DCAF17: variants seen among roughly 807,000 people sequenced by gnomAD.
The protein encoded by DCAF17 is DDB1 and CUL4 associated factor 17.
In DCAF17, 48 loss-of-function variants were observed where a neutral mutation model predicts 66.0. The observed-to-expected ratio is 0.73, with a 90% CI of 0.58 to 0.92. The LOEUF is 0.92. Among genes scored for constraint, DCAF17 ranks in the 40% least tolerant of loss-of-function variants. DCAF17 has a pLI of 0.00. For missense variants in DCAF17, 562 were observed against 622.8 expected, an observed-to-expected ratio of 0.90 and a Z score of 1.04; for synonymous variants, 206 against 214.6, an observed-to-expected ratio of 0.96 and a Z score of 0.35.
intron 8 of DCAF17, 124 bp downstream of exon 8, chr2:171,458,601 A>G: frequency 4.0e-6 from 3 of 751,976 alleles, no homozygotes; most frequent in Non-Finnish European, 6.6e-6. Context: ...TTTTACTCCT[A>G]TACATCATGT....
chr2:171,453,194 T>G lies in DCAF17; in HGVS notation c.608T>G (p.Ile203Ser), dbSNP rs757257068. ...GTTCTACCTTTTTCACTTGTAGGGA[T>G]TCTAGAGATCAACAAAAAGGTAAGA... is the stretch of plus-strand genomic sequence containing the variant. Reference protein sequence around the residue: ...FRVLPFSLVGILEINKKIFGN... With the variant: ...FRVLPFSLVGSLEINKKIFGN... Residue 203 changes from isoleucine (I) to serine (S), a missense_variant, in exon 6 of 14, where the codon ATT (isoleucine) becomes AGT (serine). Ile to Ser is a moderately radical substitution (Grantham distance 142). Transcript: ENST00000375255. 1.2e-6 allele frequency: 2 copies of G among 1,612,444 alleles called. No homozygotes were observed. The highest frequency in any genetic ancestry group is 1.7e-6 in the Non-Finnish European group (2 of 1,179,034).
At chr2:171,436,357 T>A (rs1693948630) in intron 2 of DCAF17, among the ~76,000 whole-genome samples, 1 of 152,216 alleles carries the variant, frequency 6.6e-6, no homozygotes, top group East Asian at 1.9e-4. Context: ...TGGTAGGTCA[T>A]AAGATTATAC....
In DCAF17 at chr2:171,458,396, G is replaced by C; in HGVS notation, c.757G>C (p.Gly253Arg). The C allele has an allele frequency of 6.2e-7, 1 of 1,613,996 alleles. No homozygotes were observed. Among genetic ancestry groups the C allele is most frequent in the Non-Finnish European group, 8.5e-7 (1 of 1,179,958 alleles). ...GTTCATGCAACAGAAACTTGACTTA[G>C]GGTGTGCATGCAGATGGGGTGGGAC... ...EQFMQQKLDL[G>R]CACRWGGTTG... Residue 253 changes from glycine to arginine, a missense_variant, in exon 8 of 14, where the codon GGG becomes CGG. Physicochemically the swap from Gly to Arg is moderately radical, Grantham distance 125. Around this residue, in one of 3 missense-constraint regions of DCAF17, gnomAD observed 348 missense variants for 355.9 expected, o/e 0.98. Coordinates refer to ENST00000375255, the MANE Select transcript of DCAF17 (RefSeq NM_025000.4).
Position 171,484,141 on chromosome 2 carries a change from G to A in DCAF17, c.*3027G>A, listed in dbSNP as rs1354873223. 1 of 450,212 alleles carries A rather than the reference G, an allele frequency of 2.2e-6. No individual in the cohort carries two copies. The highest frequency in any genetic ancestry group is 4.4e-6 in the Non-Finnish European group (1 of 225,928). 27.9% of individuals were successfully genotyped at this position (450,212 alleles called of 1,614,324 possible). A position where few individuals can be genotyped will look rare whatever the true frequency, so the allele number is the denominator to read the frequency against. ...TTCCCTTTGTTTGTGGTGATAATCA[G>A]TATTAGTAGTTTTCATATTATTTGG... On this transcript the variant is annotated 3_prime_UTR_variant, in exon 14 of 14. Transcript: ENST00000375255.
At chr2:171,460,422 T>C (rs762364516) in intron 8 of DCAF17, among the ~76,000 whole-genome samples, 106 of 151,938 alleles carry the variant, frequency 7.0e-4, no homozygotes, top group Non-Finnish European at 1.2e-3. Flanking sequence ...TATCCCTTTT[T>C]TTAGAAAGAA....
intron 12 of DCAF17, 92 bp from the exon 13 acceptor site, chr2:171,479,946 A>G: frequency 7.1e-7 from 1 of 1,411,534 alleles, no homozygotes; most frequent in Non-Finnish European, 9.9e-7. Context: ...TTTTGTAAGT[A>G]ATAGAATACT....
At chr2:171,473,813 A>C in intron 9 of DCAF17, 53 bp from the exon 10 acceptor site, 4 of 1,438,688 alleles carry the variant, frequency 2.8e-6, no homozygotes, top group Non-Finnish European at 3.9e-6. Flanking sequence ...AGATTTGTAA[A>C]ATCATTTGAT....
intron 8 of DCAF17, among the ~76,000 whole-genome samples, chr2:171,465,785 C>T (rs372573107): frequency 1.3e-5 from 2 of 151,962 alleles, no homozygotes; most frequent in African/African-American, 2.4e-5. Flanking sequence ...GTGCCCAGCC[C>T]CATTTTCTAT....
Position 171,458,121 on chromosome 2 carries a change from C to G in DCAF17, c.732+46C>G, listed in dbSNP as rs368727688. Reference sequence around the variant, plus strand: ...TCATGTTACTATTAGCATGAGTTTTCGACTAAAGTATGATTTTTTTTTTTA... The same window carrying G: ...TCATGTTACTATTAGCATGAGTTTTGGACTAAAGTATGATTTTTTTTTTTA... On this transcript the variant is annotated intron_variant, in intron 7 of 13. Coordinates refer to ENST00000375255, the MANE Select transcript of DCAF17 (RefSeq NM_025000.4). The G allele has an allele frequency of 1.9e-5, 29 of 1,523,678 alleles. No homozygotes were observed. In the African/African-American group the frequency reaches 3.8e-4, roughly 20 times the overall value. The allele number at this position is 1,523,678 out of a possible 1,614,324, so 94.4% of individuals were successfully genotyped here.
At chr2:171,434,838 C>T (rs184670633) in intron 1 of DCAF17, 135 bp downstream of exon 1, 3 of 1,345,282 alleles carry the variant, frequency 2.2e-6, no homozygotes, top group Non-Finnish European at 2.0e-6. Context: ...GATACAAGCC[C>T]GGAATCTGGG....
chr2:171,484,423 T>A lies in DCAF17; in HGVS notation c.*3309T>A, dbSNP rs1400362302. 3.2e-5 allele frequency: 13 copies of A among 403,538 alleles called. No individual in the cohort carries two copies. The Admixed American group carries it at 3.5e-4, about 11-fold the overall frequency. The allele number at this position is 403,538 out of a possible 1,614,324, so 25.0% of individuals were successfully genotyped here. On this transcript the variant is annotated 3_prime_UTR_variant, in exon 14 of 14. Transcript: ENST00000375255. Reference sequence around the variant, plus strand: ...ATTGAAAGAATTTTATAGTAAATACTGACCACGGGGATTCTACATCTTACT... The same window carrying A: ...ATTGAAAGAATTTTATAGTAAATACAGACCACGGGGATTCTACATCTTACT...
At chr2:171,477,848 C>G in intron 11 of DCAF17, 139 bp from the exon 12 acceptor site, 1 of 724,782 alleles carries the variant, frequency 1.4e-6, no homozygotes, top group Non-Finnish European at 2.5e-6. Context: ...AAATCTGATT[C>G]AGAATTTTCT....
chr2:171,452,481 A>G (rs1270734960), intron 5 of DCAF17, among the ~76,000 whole-genome samples: 1 of 152,172 alleles, frequency 6.6e-6, no homozygotes, highest in African/African-American at 2.4e-5. Context: ...ATTTAGAGAC[A>G]GCATGTCTGA....
chr2:171,447,937 A>G (rs1249340413), intron 3 of DCAF17, among the ~76,000 whole-genome samples: 3 of 152,230 alleles, frequency 2.0e-5, no homozygotes, highest in East Asian at 3.8e-4. Context: ...CACTGGTGAC[A>G]TAGGTCATCT....
At chr2:171,449,114 T>G (rs1209361045) in intron 4 of DCAF17, among the ~76,000 whole-genome samples, 1 of 152,182 alleles carries the variant, frequency 6.6e-6, no homozygotes, top group East Asian at 1.9e-4. Flanking sequence ...GTTCAAGCGA[T>G]TCTCCTGACT....
chr2:171,448,613 G>T, intron 3 of DCAF17, 68 bp from the exon 4 acceptor site: 10 of 1,385,932 alleles, frequency 7.2e-6, no homozygotes, highest in Admixed American at 2.5e-5. Context: ...ATTTTCTTTG[G>T]ACATTGATTA....
chr2:171,478,270 T>G (rs1696592672), intron 12 of DCAF17, among the ~76,000 whole-genome samples, 200 bp downstream of exon 12: 1 of 152,192 alleles, frequency 6.6e-6, no homozygotes, highest in Admixed American at 6.5e-5. Flanking sequence ...TTCTTAAAGT[T>G]TTATTTGCAG....
intron 8 of DCAF17, among the ~76,000 whole-genome samples, chr2:171,468,190 T>C (rs1696035582): frequency 2.0e-5 from 3 of 152,012 alleles, no homozygotes. Flanking sequence ...CTCTTGGTGC[T>C]TTTTAGCACC....
intron 10 of DCAF17, among the ~76,000 whole-genome samples, chr2:171,475,007 A>G (rs1696431331): frequency 6.6e-6 from 1 of 152,248 alleles, no homozygotes; most frequent in Admixed American, 6.5e-5. Flanking sequence ...AGTGAATTCA[A>G]ATGCTTTAAC....
Sources: gnomAD v4.1 joint callset for allele counts (sites outside exome capture counted in the v4.1 genomes callset) on GRCh38, gnomAD v4.1.1 for gene constraint, gnomAD v4.1.1 regional missense constraint, MANE v1.5 for transcripts, NCBI Gene and HGNC (gene_info 2026-07-23, HGNC 2026-07-21) for gene names.